Variants in BSDC1 observed in about 807,000 individuals in gnomAD.
The protein encoded by BSDC1 is BSD domain-containing protein 1.
Under a neutral mutation model 56.0 loss-of-function variants are expected in BSDC1, and 29 were observed. The ratio of observed to expected loss-of-function variants is 0.52; its 90% CI spans 0.39 to 0.71. The LOEUF is 0.71. Among genes scored for constraint, BSDC1 ranks in the 30% least tolerant of loss-of-function variants. The pLI, the probability that BSDC1 is intolerant of heterozygous loss-of-function variation, is 0.00. For synonymous variants in BSDC1, 210 were observed against 215.3 expected, an observed-to-expected ratio of 0.98 and a Z score of 0.21; for missense variants, 477 against 548.5, an observed-to-expected ratio of 0.87 and a Z score of 1.30.
At chr1:32,367,592 T>C (rs1481172165) in intron 10 of BSDC1, 30 of 985,410 alleles carry the variant, frequency 3.0e-5, no homozygotes, top group Non-Finnish European at 3.5e-5. Context: ...CTGACATGAA[T>C]CAGATGTCTG....
chr1:32,365,653 T>TGTGGG lies in BSDC1; in HGVS notation c.*968_*969insCCCAC, dbSNP rs1641819853. The TGTGGG allele has an allele frequency of 6.6e-6, 1 of 152,524 alleles. No homozygotes were observed. The highest frequency in any genetic ancestry group is 1.5e-5 in the Non-Finnish European group (1 of 68,026). The allele number at this position is 152,524 out of a possible 1,614,324, so 9.4% of individuals were successfully genotyped here. ...GCTTTTGCAGAAGCCTGATGAGAGT[T>TGTGGG]TCAAGTTCACCCCCAGGATAGCCCT... On this transcript the variant is annotated 3_prime_UTR_variant, in exon 11 of 11. Transcript: ENST00000455895.
rs150819803 is a variant in BSDC1, at chr1:32,374,514, G to C, written c.1156+1748C>G. Reference sequence around the variant, plus strand: ...AATCCAGCTTAAGGTTTTAAATTCTGAAGTTCTATTTCTGAGTCAACCCAC... The same window carrying C: ...AATCCAGCTTAAGGTTTTAAATTCTCAAGTTCTATTTCTGAGTCAACCCAC... On this transcript the variant is annotated intron_variant, in intron 9 of 10. Coordinates refer to ENST00000455895, the MANE Select transcript of BSDC1 (RefSeq NM_018045.8). Among the ~76,000 whole-genome samples, 17 of 152,314 alleles carry C rather than the reference G, an allele frequency of 1.1e-4. 1 individual carries two copies. In the East Asian group the frequency reaches 3.3e-3, roughly 29 times the overall value.
Sources: allele counts gnomAD v4.1 joint callset (sites outside exome capture counted in the v4.1 genomes callset), GRCh38; gene constraint gnomAD v4.1.1; transcripts MANE v1.5; gene names NCBI Gene and HGNC (gene_info 2026-07-23, HGNC 2026-07-21).